WDPCP: variants seen among roughly 807,000 people sequenced by gnomAD.
WDPCP encodes WD repeat containing planar cell polarity effector.
Under a neutral mutation model 93.1 loss-of-function variants are expected in WDPCP, and 71 were observed. The observed-to-expected ratio is 0.76, with a 90% confidence interval of 0.63 to 0.93. The LOEUF is 0.93. Ranked by LOEUF, WDPCP falls within the 40% of genes least tolerant of loss-of-function variation. The pLI is 0.00. For missense variants in WDPCP, 844 were observed against 887.4 expected (o/e 0.95, Z 0.62); for synonymous variants, 315 against 315.0 (o/e 1.00, Z 0.00).
chr2:63,543,650 T>A (rs1704913488), intron 1 of WDPCP, among the ~76,000 whole-genome samples: 1 of 152,044 alleles, frequency 6.6e-6, no homozygotes, highest in African/African-American at 2.4e-5. Context: ...CTTTAATAAT[T>A]TAATGACTTG....
chr2:63,266,925 C>A (rs934665332), intron 13 of WDPCP, among the ~76,000 whole-genome samples: 12 of 152,088 alleles, frequency 7.9e-5, no homozygotes, highest in African/African-American at 2.7e-4. Flanking sequence ...TGTACTAATT[C>A]ATTGCAATTC....
intron 2 of WDPCP, among the ~76,000 whole-genome samples, chr2:63,719,369 T>C (rs890184253): frequency 1.3e-5 from 2 of 152,166 alleles, no homozygotes; most frequent in African/African-American, 4.8e-5. Flanking sequence ...TACCCTGACC[T>C]CTTTTTCTGT....
intron 1 of WDPCP, among the ~76,000 whole-genome samples, chr2:63,572,341 T>C (rs1196148281): frequency 1.3e-5 from 2 of 152,152 alleles, no homozygotes; most frequent in South Asian, 2.1e-4. Flanking sequence ...TTATCATGTG[T>C]AGTATTTGCC....
chr2:63,769,982 T>TC (rs1180681508), intron 2 of WDPCP, among the ~76,000 whole-genome samples: 4 of 151,294 alleles, frequency 2.6e-5, no homozygotes, highest in African/African-American at 9.7e-5. Context: ...GCAGGTAGAG[T>TC]CCCCCCAAGA....
At chr2:63,421,259 C>T (rs1695836753) in intron 9 of WDPCP, among the ~76,000 whole-genome samples, 1 of 151,998 alleles carries the variant, frequency 6.6e-6, no homozygotes, top group South Asian at 2.1e-4. Flanking sequence ...TACATATTTA[C>T]TAGTAAGTAT....
intron 2 of WDPCP, among the ~76,000 whole-genome samples, chr2:63,813,335 CATA>C (rs1346848583): frequency 4.6e-5 from 7 of 152,262 alleles, no homozygotes; most frequent in African/African-American, 1.7e-4. Flanking sequence ...ATATTTGGGA[CATA>C]ATAATTTGAA....
At chr2:63,633,285 T>A (rs569635468) in intron 3 of WDPCP, among the ~76,000 whole-genome samples, 3 of 152,222 alleles carry the variant, frequency 2.0e-5, no homozygotes, top group Middle Eastern at 3.4e-3. Context: ...TAAGAAAGTA[T>A]GAAACTGACT....
chr2:63,500,452 G>GTGTGTGTGTGT (rs1553412910), intron 1 of WDPCP, among the ~76,000 whole-genome samples: 571 of 22,262 alleles, frequency 0.026, 5 homozygotes, highest in African/African-American at 0.1. Context: ...AAATGGTGTG[G>GTGTGTGTGTGT]GGGTGTGTGT....
intron 6 of WDPCP, among the ~76,000 whole-genome samples, chr2:63,479,939 G>A (rs1055801578): frequency 3.9e-5 from 6 of 152,058 alleles, no homozygotes; most frequent in African/African-American, 1.4e-4. Flanking sequence ...GGAAGTCAAG[G>A]TGTCACTGTT....
chr2:63,185,943 G>A (rs1198328892), intron 14 of WDPCP, among the ~76,000 whole-genome samples: 1 of 151,852 alleles, frequency 6.6e-6, no homozygotes, highest in Non-Finnish European at 1.5e-5. Flanking sequence ...AACAGTGAAT[G>A]CAACCACTAT....
chr2:63,770,484 A>C lies in WDPCP; in HGVS notation n.308+43138T>G, dbSNP rs557390153. Among the ~76,000 whole-genome samples the C allele has an allele frequency of 4.6e-5, 7 of 152,100 alleles. No individual in the cohort carries two copies. The South Asian group carries it at 1.4e-3, about 31-fold the overall frequency. Reference sequence around the variant, plus strand: ...TTTTACCTACAAAAACAGCAATTTCATTTTGTTAAATTTAATAGAAGGAAA... The same window carrying C: ...TTTTACCTACAAAAACAGCAATTTCCTTTTGTTAAATTTAATAGAAGGAAA... On this transcript the variant is annotated intron_variant and non_coding_transcript_variant, in intron 2 of 4. Transcript: ENST00000467687.
chr2:63,404,403 C>G lies in WDPCP; in HGVS notation c.1080G>C (p.Ser360=), dbSNP rs376164426. The G allele has an allele frequency of 1.9e-6, 3 of 1,614,022 alleles. No individual in the cohort carries two copies. The highest frequency in any genetic ancestry group is 2.7e-5 in the African/African-American group (2 of 74,918). Residue 360 remains serine (S), a synonymous_variant, in exon 10 of 18, where the codon TCG becomes TCC. Transcript: ENST00000272321. ...DKLILGCEDS[S]LILYETHRRV... ...TACGGTGAGTTTCATAAAGAATTAG[C>G]GAAGAATCTTCACAGCCCAGAATCA...
At chr2:63,406,827 G>A (rs1279289992) in intron 9 of WDPCP, among the ~76,000 whole-genome samples, 1 of 152,168 alleles carries the variant, frequency 6.6e-6, no homozygotes, top group Non-Finnish European at 1.5e-5. Context: ...TCACATGAGG[G>A]TCTTATGATC....
intron 2 of WDPCP, among the ~76,000 whole-genome samples, chr2:63,778,982 C>T (rs1407288457): frequency 6.6e-6 from 1 of 152,116 alleles, no homozygotes; most frequent in East Asian, 1.9e-4. Context: ...TTTTGGCATA[C>T]ATCCCTCTCT....
intron 14 of WDPCP, among the ~76,000 whole-genome samples, chr2:63,231,340 C>A (rs566391043): frequency 6.6e-6 from 1 of 152,112 alleles, no homozygotes; most frequent in East Asian, 1.9e-4. Flanking sequence ...GGCAATCAGG[C>A]AAGAGAAGGA....
At chr2:63,407,977 T>C (rs1209948685) in intron 9 of WDPCP, among the ~76,000 whole-genome samples, 5 of 152,174 alleles carry the variant, frequency 3.3e-5, no homozygotes, top group Non-Finnish European at 1.5e-5. Context: ...GTTACGTTCA[T>C]GATCCAGAAA....
chr2:63,790,370 A>G (rs751340662), intron 2 of WDPCP, among the ~76,000 whole-genome samples: 1 of 152,148 alleles, frequency 6.6e-6, no homozygotes, highest in Non-Finnish European at 1.5e-5. Context: ...GAAGAAACCA[A>G]ACCAATAACA....
rs1477192138 is a variant in WDPCP, at chr2:63,588,321, C to G, written c.-50G>C. The stretch of plus-strand genomic sequence containing the variant: ...GGTTCCTAGGCTAGGTCCTCGGACC[C>G]GAGAGGGAGCGACACGCTCGCTTGG... On this transcript the variant is annotated 5_prime_UTR_variant, in exon 1 of 18. Transcript: ENST00000272321. 1.3e-6 allele frequency: 2 copies of G among 1,548,880 alleles called. No homozygotes were observed. The highest frequency in any genetic ancestry group is 1.7e-6 in the Non-Finnish European group (2 of 1,143,592).
intron 17 of WDPCP, among the ~76,000 whole-genome samples, chr2:63,138,451 G>C (rs1032840598): frequency 6.8e-6 from 1 of 147,578 alleles, no homozygotes; most frequent in Non-Finnish European, 1.5e-5. Flanking sequence ...ACATGAGTAA[G>C]TTCTTTTTTT....
Sources: allele counts gnomAD v4.1 joint callset (sites outside exome capture counted in the v4.1 genomes callset), GRCh38; gene constraint gnomAD v4.1.1; transcripts MANE v1.5; gene names NCBI Gene and HGNC (gene_info 2026-07-23, HGNC 2026-07-21).